The following LSAMP variants were observed in gnomAD, a reference collection of about 807,000 sequenced individuals.
LSAMP encodes limbic system-associated membrane protein.
LSAMP carries 7 observed loss-of-function variants against 38.6 expected under a neutral mutation model. The ratio of observed to expected loss-of-function variants is 0.18; its 90% CI spans 0.10 to 0.34. The LOEUF (loss-of-function observed/expected upper bound fraction) is 0.34. Ranked by LOEUF, LSAMP falls within the 10% of genes least tolerant of loss-of-function variation. LSAMP has a pLI of 1.00. For missense variants in LSAMP, 313 were observed against 420.0 expected (o/e 0.75, Z 2.23); for synonymous variants, 154 against 166.8 (o/e 0.92, Z 0.59).
At chr3:116,005,182 A>G (rs1489601981) in intron 3 of LSAMP, among the ~76,000 whole-genome samples, 2 of 152,178 alleles carry the variant, frequency 1.3e-5, no homozygotes, top group Non-Finnish European at 1.5e-5. Context: ...GAAGCCCTAA[A>G]GAAAGAGAGC....
chr3:115,992,102 A>G (rs1939686523), intron 3 of LSAMP, among the ~76,000 whole-genome samples: 1 of 152,118 alleles, frequency 6.6e-6, no homozygotes, highest in Non-Finnish European at 1.5e-5. Flanking sequence ...GAAAATGTGC[A>G]GCACATACAT....
chr3:115,822,359 C>T (rs1002825326), intron 6 of LSAMP, among the ~76,000 whole-genome samples: 3 of 101,744 alleles, frequency 2.9e-5, no homozygotes, highest in African/African-American at 7.2e-5. Context: ...TCTTTCTTTC[C>T]TTCTTTTTTT....
At chr3:116,056,381 T>G (rs565916945) in intron 2 of LSAMP, among the ~76,000 whole-genome samples, 1 of 152,164 alleles carries the variant, frequency 6.6e-6, no homozygotes, top group Non-Finnish European at 1.5e-5. Flanking sequence ...GTTGAACTAG[T>G]CTGGGCTAAA....
In LSAMP at chr3:116,198,772, G is replaced by GAAAAAAAA. The variant is rs71141858; in HGVS notation, c.156-112224_156-112217dup. Reference sequence around the variant, plus strand: ...GGCGACAGAGCAAGACTCCGTCTCAGAAAAAAAAAGAAAATCAGAACTGGA... The same window carrying GAAAAAAAA: ...GGCGACAGAGCAAGACTCCGTCTCAGAAAAAAAAAAAAAAAAAGAAAATCAGAACTGGA... On this transcript the variant is annotated intron_variant, in intron 1 of 6. Transcript: ENST00000490035. Among the ~76,000 whole-genome samples the GAAAAAAAA allele has an allele frequency of 1.5e-4, 15 of 103,194 alleles. 3 individuals are homozygous for GAAAAAAAA. Among genetic ancestry groups the GAAAAAAAA allele is most frequent in the Middle Eastern group, 6.4e-3 (1 of 156 alleles). 67.7% of individuals were successfully genotyped at this position (103,194 alleles called of 152,430 possible). A position where few individuals can be genotyped will look rare whatever the true frequency, so the allele number is the denominator to read the frequency against.
At chr3:116,186,824 G>A (rs1338098354) in intron 1 of LSAMP, among the ~76,000 whole-genome samples, 1 of 152,014 alleles carries the variant, frequency 6.6e-6, no homozygotes, top group African/African-American at 2.4e-5. Flanking sequence ...TTGACCAGCA[G>A]GGCTTGCATC....
At position 115,839,890 on chromosome 3, in the gene LSAMP, G is replaced by C. The variant is rs573782330; in HGVS notation, c.919+1955C>G. Among the ~76,000 whole-genome samples the C allele has an allele frequency of 3.3e-4, 50 of 152,328 alleles. 1 individual carries two copies. Among genetic ancestry groups the C allele is most frequent in the Admixed American group, 1.4e-3 (21 of 15,310 alleles). ...TTCTCAGTATACAAACAGAAGCTCT[G>C]TAAGATTCTTGACATTTCTCAATTT... On this transcript the variant is annotated intron_variant, in intron 6 of 6. Coordinates refer to ENST00000490035, the MANE Select transcript of LSAMP (RefSeq NM_002338.5).
At chr3:115,817,045 T>C (rs1162247541) in intron 6 of LSAMP, among the ~76,000 whole-genome samples, 1 of 152,234 alleles carries the variant, frequency 6.6e-6, no homozygotes, top group East Asian at 1.9e-4. Context: ...GCCAACTGGC[T>C]GTCCTGCTCT....
At chr3:115,896,338 C>T (rs1456325019) in intron 3 of LSAMP, among the ~76,000 whole-genome samples, 1 of 152,020 alleles carries the variant, frequency 6.6e-6, no homozygotes, top group Non-Finnish European at 1.5e-5. Context: ...AATAGTTTGC[C>T]ACATACATAT....
At chr3:115,859,882 A>T (rs1293798731) in intron 3 of LSAMP, among the ~76,000 whole-genome samples, 1 of 152,162 alleles carries the variant, frequency 6.6e-6, no homozygotes, top group Non-Finnish European at 1.5e-5. Context: ...TATTGTATTT[A>T]TACTAAACCA....
Position 116,041,641 on chromosome 3 carries a change from A to C in LSAMP, c.389-22001T>G, listed in dbSNP as rs140237070. On this transcript the variant is annotated intron_variant, in intron 2 of 6. Transcript: ENST00000490035. Reference sequence around the variant, plus strand: ...CGTGCCATAGAGATGTGTACCATAAAAAATGACAGTAGAAGCAAATGCTTG... The same window carrying C: ...CGTGCCATAGAGATGTGTACCATAACAAATGACAGTAGAAGCAAATGCTTG... Among the ~76,000 whole-genome samples the C allele has an allele frequency of 4.1e-3, 625 of 151,896 alleles. 8 individuals are homozygous for C. Among genetic ancestry groups the C allele is most frequent in the Non-Finnish European group, 6.2e-3 (421 of 67,982 alleles).
At position 116,444,984 on chromosome 3, in the gene LSAMP, T is replaced by C. The variant is rs756521573; in HGVS notation, c.48A>G (p.Leu16=). 2.0e-5 allele frequency: 32 copies of C among 1,613,954 alleles called. No homozygotes were observed. The highest frequency in any genetic ancestry group is 2.6e-5 in the Non-Finnish European group (31 of 1,180,040). ...QPDRKQLPLV[L]LRLLCLLPTG... ...TGGGAAGAAGGCAGAGCAATCTCAG[T>C]AGGACCAGTGGCAACTGTTTCCGAT... The change falls in exon 1 of 7, where the codon CTA becomes CTG. Residue 16 remains leucine (L), a synonymous_variant. Coordinates refer to ENST00000490035, the MANE Select transcript of LSAMP (RefSeq NM_002338.5).
intron 1 of LSAMP, among the ~76,000 whole-genome samples, chr3:116,412,792 T>C (rs1289257708): frequency 6.6e-6 from 1 of 152,036 alleles, no homozygotes; most frequent in Non-Finnish European, 1.5e-5. Flanking sequence ...AAAAAGAAAA[T>C]TGAGAGTCCT....
intron 3 of LSAMP, among the ~76,000 whole-genome samples, chr3:116,014,254 A>C (rs1940414446): frequency 6.6e-6 from 1 of 152,110 alleles, no homozygotes; most frequent in Non-Finnish European, 1.5e-5. Flanking sequence ...TATAAGCTTC[A>C]TTTGTGCAAG....
chr3:116,427,372 G>C (rs2049215083), intron 1 of LSAMP, among the ~76,000 whole-genome samples: 1 of 150,940 alleles, frequency 6.6e-6, no homozygotes, highest in South Asian at 2.1e-4. Context: ...CACCCGCCTC[G>C]GCCTCCCAAA....
In LSAMP at chr3:116,265,857, T is replaced by C. The variant is rs73143008; in HGVS notation, c.155+179020A>G. Among the ~76,000 whole-genome samples the C allele has an allele frequency of 5.9e-3, 900 of 152,330 alleles. 8 individuals are homozygous for C. Among genetic ancestry groups the C allele is most frequent in the Non-Finnish European group, 0.011 (749 of 68,032 alleles). On this transcript the variant is annotated intron_variant, in intron 1 of 6. Coordinates refer to ENST00000490035, the MANE Select transcript of LSAMP (RefSeq NM_002338.5). ...ACCTGGACTAGTCCAATAACATCAG[T>C]TGTGCTCTCATCTCAAAACATAAGG...
intron 6 of LSAMP, among the ~76,000 whole-genome samples, chr3:115,829,571 C>A (rs17711136): frequency 0.046 from 7,059 of 152,178 alleles, 195 homozygotes; most frequent in African/African-American, 0.072. Context: ...ATACTTTATA[C>A]CCTTGACCAG....
intron 1 of LSAMP, among the ~76,000 whole-genome samples, chr3:116,251,890 G>A (rs1203803778): frequency 6.6e-6 from 1 of 152,136 alleles, no homozygotes; most frequent in African/African-American, 2.4e-5. Flanking sequence ...AGTCCTAAAA[G>A]CTGAAAAACT....
At chr3:115,929,630 A>C (rs1029111666) in intron 3 of LSAMP, among the ~76,000 whole-genome samples, 3 of 152,030 alleles carry the variant, frequency 2.0e-5, no homozygotes, top group African/African-American at 7.2e-5. Flanking sequence ...TAGCTAAATA[A>C]ATTTTACCTG....
chr3:116,187,332 C>A (rs571495668), intron 1 of LSAMP, among the ~76,000 whole-genome samples: 7 of 152,140 alleles, frequency 4.6e-5, no homozygotes, highest in African/African-American at 1.7e-4. Context: ...GATGGTAAAC[C>A]TAGCCCAGAA....
Sources: gnomAD v4.1 joint callset for allele counts (sites outside exome capture counted in the v4.1 genomes callset) on GRCh38, gnomAD v4.1.1 for gene constraint, MANE v1.5 for transcripts, NCBI Gene and HGNC (gene_info 2026-07-23, HGNC 2026-07-21) for gene names.